Variants in ZFYVE26 observed in about 807,000 individuals in gnomAD.
The protein encoded by ZFYVE26 is zinc finger FYVE domain-containing protein 26.
ZFYVE26 carries 181 observed loss-of-function variants against 276.5 expected under a neutral mutation model. The observed-to-expected ratio is 0.65, with a 90% CI of 0.58 to 0.74. ZFYVE26 has a LOEUF of 0.74. Among genes scored for constraint, ZFYVE26 ranks in the 30% least tolerant of loss-of-function variants. ZFYVE26 has a pLI of 0.00. For missense variants in ZFYVE26, 2,821 were observed against 3,097.9 expected, an observed-to-expected ratio of 0.91 and a Z score of 2.12; for synonymous variants, 1,129 against 1,203.1, an observed-to-expected ratio of 0.94 and a Z score of 1.27.
At chr14:67,752,188 G>C (rs1232642513) in intron 40 of ZFYVE26, among the ~76,000 whole-genome samples, 156 bp downstream of exon 40, 3 of 152,186 alleles carry the variant, frequency 2.0e-5, no homozygotes, top group Admixed American at 6.5e-5. Context: ...TACAGGGAAG[G>C]GTCAATTATG....
rs764563280 is a variant in ZFYVE26, at chr14:67,806,596, C to T, written c.966G>A (p.Val322=). Residue 322 remains valine (V), a synonymous_variant, in exon 6 of 42, where the codon GTG becomes GTA. Coordinates refer to ENST00000347230, the MANE Select transcript of ZFYVE26 (RefSeq NM_015346.4). ...TGTTGCTCAGGCAGTAGAAATAGGC[C>T]ACTTTCCAAGCCTCGGCTGGGTTGG... The part of the protein sequence containing the change: ...SNPNPAEAWK[V]AYFYCLSNNK... 4.3e-6 allele frequency: 7 copies of T among 1,614,096 alleles called. No homozygotes were observed. In the East Asian group the frequency reaches 1.1e-4, roughly 26 times the overall value.
rs994385823 is a variant in ZFYVE26 at position 67,814,593 on chromosome 14, C to G, written c.195-529G>C. Among the ~76,000 whole-genome samples the G allele has an allele frequency of 3.3e-5, 5 of 152,048 alleles. No individual in the cohort carries two copies. In the East Asian group the frequency reaches 5.8e-4, roughly 18 times the overall value. On this transcript the variant is annotated intron_variant, in intron 2 of 41. Coordinates refer to ENST00000347230, the MANE Select transcript of ZFYVE26 (RefSeq NM_015346.4). ...CAGAGCTAGCAGCTTTCATAAAAAG[C>G]CTTAATCTCACCTCCACCTCCTTAT... is the stretch of plus-strand genomic sequence containing the variant.
In ZFYVE26 at chr14:67,752,513, T is replaced by C; in HGVS notation, c.7202A>G (p.Asp2401Gly). 6.2e-7 allele frequency: 1 copy of C among 1,614,158 alleles called. No individual in the cohort carries two copies. The highest frequency in any genetic ancestry group is 8.5e-7 in the Non-Finnish European group (1 of 1,180,024). The change falls in exon 40 of 42, where the codon GAT (aspartate) becomes GGT (glycine). Residue 2401 changes from aspartate to glycine, a missense_variant. Asp to Gly is a moderately conservative substitution (Grantham distance 94). Transcript: ENST00000347230. ...AGCTCTGCAGTAGGTCATGGCAGCATCCAGCTGGAAGTCCTAGAACAGAAC... is the reference window on the plus strand; with the variant it reads ...AGCTCTGCAGTAGGTCATGGCAGCACCCAGCTGGAAGTCCTAGAACAGAAC... ...AFRVLQDFQL[D>G]AAMTYCRAAR...
intron 18 of ZFYVE26, 133 bp downstream of exon 18, chr14:67,785,725 C>CCCTGG (rs1201314823): frequency 8.2e-7 from 1 of 1,213,694 alleles, no homozygotes; most frequent in Non-Finnish European, 1.2e-6. Flanking sequence ...TTGAGACATG[C>CCCTGG]CCTGGCTAAC....
intron 21 of ZFYVE26, 55 bp downstream of exon 21, chr14:67,782,725 A>T: frequency 6.2e-7 from 1 of 1,606,982 alleles, no homozygotes. Flanking sequence ...TAATATACCC[A>T]GTGAATACCA....
At chr14:67,742,546 G>C (rs1463209446), downstream of ZFYVE26, among the ~76,000 whole-genome samples, 2 of 152,162 alleles carry the variant, frequency 1.3e-5, no homozygotes, top group Non-Finnish European at 2.9e-5. Context: ...ATATGGAGTT[G>C]GTAGAAGGTG....
chr14:67,785,274 G>A lies in ZFYVE26; in HGVS notation c.3308C>T (p.Pro1103Leu), dbSNP rs3742885. 38,823 of 1,597,948 alleles carry A rather than the reference G, an allele frequency of 0.024. 1,179 individuals are homozygous for A. Among genetic ancestry groups the A allele is most frequent in the East Asian group, 0.13 (5,773 of 44,052 alleles). ...CAGGGAAGACAGTGGAGGAGTCCTG[G>A]GCTCTGAGAGGAGGATGGCAGGAGA... ...SLREALELPE[P>L]RTPPLSSLVE... The change falls in exon 19 of 42, where the codon CCC becomes CTC. Residue 1103 changes from proline to leucine, a missense_variant. Physicochemically the swap from Pro to Leu is moderately conservative, Grantham distance 98. Coordinates refer to ENST00000347230, the MANE Select transcript of ZFYVE26 (RefSeq NM_015346.4).
chr14:67,776,248 G>A (rs2039340942), intron 25 of ZFYVE26, 142 bp from the exon 26 acceptor site: 1 of 1,193,540 alleles, frequency 8.4e-7, no homozygotes, highest in Non-Finnish European at 1.2e-6. Flanking sequence ...CAGTCTTTTA[G>A]GAAGGCTGAG....
At chr14:67,759,693 T>A (rs1309353059) in intron 35 of ZFYVE26, among the ~76,000 whole-genome samples, 1 of 150,952 alleles carries the variant, frequency 6.6e-6, no homozygotes, top group African/African-American at 2.4e-5. Flanking sequence ...GAATGTAAGG[T>A]ACACATAGGA....
At chr14:67,735,979 C>G (rs1012231414) in intron 13 of ZFYVE26, among the ~76,000 whole-genome samples, 10 of 152,180 alleles carry the variant, frequency 6.6e-5, no homozygotes, top group African/African-American at 2.4e-4. Context: ...TGTTGCCATG[C>G]GTCCCAAGCT....
rs1388592034 is a variant in ZFYVE26, at chr14:67,747,257, T to A, written c.*1179A>T. On this transcript the variant is annotated 3_prime_UTR_variant, in exon 42 of 42. Coordinates refer to ENST00000347230, the MANE Select transcript of ZFYVE26 (RefSeq NM_015346.4). ...ATTAAAGAAGCACTTCACCTAGTTT[T>A]CCACCAACCAGATGTGACCTATTCA... 1.3e-5 allele frequency: 2 copies of A among 152,262 alleles called. No individual in the cohort carries two copies. Among genetic ancestry groups the A allele is most frequent in the African/African-American group, 4.8e-5 (2 of 41,454 alleles). The allele number at this position is 152,262 out of a possible 1,614,324, so 9.4% of individuals were successfully genotyped here. A position where few individuals can be genotyped will look rare whatever the true frequency, so the allele number is the denominator to read the frequency against.
chr14:67,814,130 C>T, intron 2 of ZFYVE26, 66 bp from the exon 3 acceptor site: 1 of 1,344,634 alleles, frequency 7.4e-7, no homozygotes, highest in Non-Finnish European at 1.1e-6. Context: ...TTTTGTCATC[C>T]AAGACAGATT....
At position 67,761,384 on chromosome 14, in the gene ZFYVE26, A is replaced by G. The variant is rs1566867638; in HGVS notation, c.6570T>C (p.Leu2190=). 3 of 1,613,238 alleles carry G rather than the reference A, an allele frequency of 1.9e-6. No individual in the cohort carries two copies. The change falls in exon 35 of 42, where the codon CTT becomes CTC. Residue 2190 remains leucine, a synonymous_variant. Transcript: ENST00000347230. ...YVRHSCLREA[L]LHLLNKESPP... ...GTCCCACCTTGTTGAGAAGGTGCAG[A>G]AGAGCTTCCCGCAGGCAGCTGTGCC...
chr14:67,803,942 A>G (rs2040126886), intron 9 of ZFYVE26, among the ~76,000 whole-genome samples, 159 bp downstream of exon 9: 1 of 152,200 alleles, frequency 6.6e-6, no homozygotes, highest in South Asian at 2.1e-4. Flanking sequence ...CCTATATCCC[A>G]TAAACTGATT....
intron 10 of ZFYVE26, among the ~76,000 whole-genome samples, chr14:67,801,535 A>G (rs1011091175): frequency 6.6e-6 from 1 of 152,226 alleles, no homozygotes; most frequent in East Asian, 1.9e-4. Flanking sequence ...AAAACTGATC[A>G]CTAGTCAGTC....
chr14:67,753,612 T>C, intron 39 of ZFYVE26, 95 bp downstream of exon 39: 1 of 1,350,474 alleles, frequency 7.4e-7, no homozygotes, highest in African/African-American at 1.4e-5. Context: ...AAATCCACTT[T>C]TCTTGGGATA....
At chr14:67,809,172 G>A (rs776275312) in intron 4 of ZFYVE26, 28 bp downstream of exon 4, 2 of 1,591,846 alleles carry the variant, frequency 1.3e-6, no homozygotes, top group South Asian at 2.2e-5. Context: ...GTCAACCCTG[G>A]GCAGATGGTA....
intron 1 of ZFYVE26, 129 bp from the exon 2 acceptor site, chr14:67,816,175 G>A: frequency 1.9e-6 from 1 of 540,344 alleles, no homozygotes. Context: ...AATTTCCCAC[G>A]TTACTTTTTG....
chr14:67,783,534 A>G lies in ZFYVE26; in HGVS notation c.3627-9T>C, dbSNP rs558620279. On this transcript the variant is annotated splice_polypyrimidine_tract_variant and intron_variant, in intron 20 of 41. Transcript: ENST00000347230. ...CCAGAAGGGCTGCCAGTCTGGAAGG[A>G]GAGAAGCAGAAAGCATACAAGGCCT... 6.2e-7 allele frequency: 1 copy of G among 1,611,310 alleles called. No homozygotes were observed. The highest frequency in any genetic ancestry group is 2.2e-5 in the East Asian group (1 of 44,878).
Sources: gnomAD v4.1 joint callset for allele counts (sites outside exome capture counted in the v4.1 genomes callset) on GRCh38, gnomAD v4.1.1 for gene constraint, MANE v1.5 for transcripts, NCBI Gene and HGNC (gene_info 2026-07-23, HGNC 2026-07-21) for gene names.